The following ATRNL1 variants were observed in gnomAD, a reference collection of about 807,000 sequenced individuals.
ATRNL1 encodes the protein attractin like 1.
ATRNL1 carries 95 observed loss-of-function variants against 182.7 expected under a neutral mutation model. The ratio of observed to expected loss-of-function variants is 0.52; its 90% confidence interval spans 0.44 to 0.62. ATRNL1 has a LOEUF of 0.62. Ranked by LOEUF, ATRNL1 falls within the 20% of genes least tolerant of loss-of-function variation. ATRNL1 has a pLI of 0.00. For missense variants in ATRNL1, 1,471 were observed against 1,679.5 expected (o/e 0.88, Z 2.17); for synonymous variants, 576 against 568.3 (o/e 1.01, Z -0.19).
At chr10:115,177,570 T>C (rs12244029) in intron 8 of ATRNL1, among the ~76,000 whole-genome samples, 2,002 of 152,284 alleles carry the variant, frequency 0.013, 41 homozygotes, top group African/African-American at 0.046. Flanking sequence ...TGAAATTTTC[T>C]TTAACTATTA....
At chr10:115,879,762 C>A (rs1183228851) in intron 28 of ATRNL1, among the ~76,000 whole-genome samples, 5 of 152,122 alleles carry the variant, frequency 3.3e-5, no homozygotes, top group African/African-American at 9.7e-5. Context: ...TCTGGTCCAA[C>A]TGTGGTTCGA....
intron 5 of ATRNL1, among the ~76,000 whole-genome samples, chr10:115,133,110 A>G (rs2143741680): frequency 6.6e-6 from 1 of 152,266 alleles, no homozygotes; most frequent in Middle Eastern, 3.4e-3. Context: ...TTTTTTGTAT[A>G]AGATGTAAGG....
At chr10:115,155,546 T>C (rs1169911415) in intron 5 of ATRNL1, among the ~76,000 whole-genome samples, 2 of 152,176 alleles carry the variant, frequency 1.3e-5, no homozygotes, top group African/African-American at 4.8e-5. Flanking sequence ...TCACAGCTAG[T>C]AAGTAGGAAA....
chr10:115,578,050 C>T (rs1156570732), intron 26 of ATRNL1, among the ~76,000 whole-genome samples: 1 of 151,686 alleles, frequency 6.6e-6, no homozygotes, highest in Non-Finnish European at 1.5e-5. Flanking sequence ...TGTGTTGTGT[C>T]ACATATATTG....
intron 10 of ATRNL1, among the ~76,000 whole-genome samples, chr10:115,256,098 C>G (rs147400424): frequency 0.02 from 3,110 of 152,168 alleles, 101 homozygotes; most frequent in African/African-American, 0.07. Context: ...CTAAAATTCT[C>G]TTTTTTTGTT....
chr10:115,201,541 A>G (rs1187703013), intron 8 of ATRNL1, among the ~76,000 whole-genome samples: 4 of 152,134 alleles, frequency 2.6e-5, no homozygotes, highest in African/African-American at 9.7e-5. Context: ...TGATAGTTGT[A>G]GATATGCGGC....
At position 115,549,526 on chromosome 10, in the gene ATRNL1, G is replaced by A. The variant is rs546821394; in HGVS notation, c.3785G>A (p.Arg1262Gln). The A allele has an allele frequency of 8.2e-6, 13 of 1,589,494 alleles. No individual in the cohort carries two copies. The highest frequency in any genetic ancestry group is 5.7e-5 in the South Asian group (5 of 87,520). Residue 1262 changes from arginine to glutamine, a missense_variant, in exon 26 of 29, where the codon CGA becomes CAA. This residue lies in a region of ATRNL1 where 437 missense variants were observed against 506.0 expected (regional missense o/e 0.86). Coordinates refer to ENST00000355044, the MANE Select transcript of ATRNL1 (RefSeq NM_207303.4). ...ATCAAACAAACTTGTTGGGCTTCTC[G>A]ACGGAGAGAGGTATCAGTAATATTA... ...WKIKQTCWAS[R>Q]RREQLLRERQ...
intron 26 of ATRNL1, among the ~76,000 whole-genome samples, chr10:115,720,505 A>T (rs1947388931): frequency 1.3e-5 from 2 of 152,196 alleles, no homozygotes; most frequent in African/African-American, 4.8e-5. Context: ...CAAGGAAATG[A>T]TGGTGATGCT....
chr10:115,588,761 G>T (rs1422588314), intron 26 of ATRNL1, among the ~76,000 whole-genome samples: 1 of 152,034 alleles, frequency 6.6e-6, no homozygotes, highest in Non-Finnish European at 1.5e-5. Context: ...ACTAGTTTCT[G>T]GTTTTCTCCA....
chr10:115,481,070 A>T (rs1383218558), intron 24 of ATRNL1, among the ~76,000 whole-genome samples: 1 of 150,760 alleles, frequency 6.6e-6, no homozygotes, highest in African/African-American at 2.4e-5. Context: ...CTCTTCTAAA[A>T]ATTTTAATGC....
chr10:115,808,033 T>C (rs1949962114), intron 27 of ATRNL1, among the ~76,000 whole-genome samples: 1 of 152,224 alleles, frequency 6.6e-6, no homozygotes, highest in Non-Finnish European at 1.5e-5. Context: ...GGAAGAGTAC[T>C]ACCTTTTATC....
intron 19 of ATRNL1, among the ~76,000 whole-genome samples, chr10:115,377,411 A>C (rs1554949836): frequency 6.6e-6 from 1 of 152,038 alleles, no homozygotes; most frequent in Non-Finnish European, 1.5e-5. Context: ...AGTCCATTAA[A>C]CCTATTCTTC....
chr10:115,643,443 CA>C (rs1260743488), intron 26 of ATRNL1, among the ~76,000 whole-genome samples: 4 of 152,100 alleles, frequency 2.6e-5, no homozygotes, highest in Admixed American at 2.6e-4. Context: ...GGTATGATAT[CA>C]AAACCATGAT....
intron 26 of ATRNL1, among the ~76,000 whole-genome samples, chr10:115,560,079 A>G (rs1433267904): frequency 2.0e-5 from 3 of 152,256 alleles, no homozygotes; most frequent in Non-Finnish European, 4.4e-5. Context: ...TTGTATTTCT[A>G]TACATTAGCA....
At chr10:115,100,773 A>C (rs1843739582) in intron 1 of ATRNL1, among the ~76,000 whole-genome samples, 1 of 152,194 alleles carries the variant, frequency 6.6e-6, no homozygotes, top group Admixed American at 6.5e-5. Context: ...TTTCTATAAA[A>C]AGCCTACTAG....
chr10:115,255,813 T>A lies in ATRNL1; in HGVS notation c.1688-9380T>A, dbSNP rs188193290. ...TCTTATTATTTTGAGATACCTTCCA[T>A]CAATACCTAATTTATTGAGAGTTTT... On this transcript the variant is annotated intron_variant, in intron 10 of 28. Transcript: ENST00000355044. Among the ~76,000 whole-genome samples the A allele has an allele frequency of 2.6e-4, 40 of 152,352 alleles. No individual in the cohort carries two copies. In the East Asian group the frequency reaches 7.3e-3, roughly 28 times the overall value.
chr10:115,144,438 G>A (rs1442830405), intron 5 of ATRNL1, among the ~76,000 whole-genome samples: 3 of 152,040 alleles, frequency 2.0e-5, no homozygotes, highest in African/African-American at 4.8e-5. Flanking sequence ...GATTACAGGC[G>A]TGAGCCACTG....
chr10:115,856,547 C>A (rs1298283014), intron 28 of ATRNL1, among the ~76,000 whole-genome samples: 1 of 151,490 alleles, frequency 6.6e-6, no homozygotes, highest in African/African-American at 2.4e-5. Flanking sequence ...CCTTTTGGCA[C>A]CAGGGACGGG....
At chr10:115,874,019 A>G (rs1951643394) in intron 28 of ATRNL1, among the ~76,000 whole-genome samples, 1 of 152,198 alleles carries the variant, frequency 6.6e-6, no homozygotes, top group Non-Finnish European at 1.5e-5. Context: ...CAAAATTGGT[A>G]TCCAGAAATG....
Sources: gnomAD v4.1 joint callset for allele counts (sites outside exome capture counted in the v4.1 genomes callset) on GRCh38, gnomAD v4.1.1 for gene constraint, gnomAD v4.1.1 regional missense constraint, MANE v1.5 for transcripts, NCBI Gene and HGNC (gene_info 2026-07-23, HGNC 2026-07-21) for gene names.